CHN1: variants seen among roughly 807,000 people sequenced by gnomAD.
CHN1 encodes the protein chimerin 1.
CHN1 carries 37 observed loss-of-function variants against 59.5 expected under a neutral mutation model. The ratio of observed to expected loss-of-function variants is 0.62; its 90% CI spans 0.48 to 0.82. The LOEUF is 0.82. Among genes scored for constraint, CHN1 ranks in the 40% least tolerant of loss-of-function variants. CHN1 has a pLI of 0.00. For missense variants in CHN1, 469 were observed against 571.0 expected, an observed-to-expected ratio of 0.82 and a Z score of 1.82; for synonymous variants, 206 against 200.4, an observed-to-expected ratio of 1.03 and a Z score of -0.24.
At chr2:174,990,374 T>G (rs1691507047) in intron 1 of CHN1, among the ~76,000 whole-genome samples, 2 of 148,386 alleles carry the variant, frequency 1.3e-5, no homozygotes, top group Non-Finnish European at 3.0e-5. Flanking sequence ...GAGGAAGAAA[T>G]AAACACTAAA....
chr2:174,965,754 C>A (rs980929843), intron 1 of CHN1, among the ~76,000 whole-genome samples: 1 of 152,134 alleles, frequency 6.6e-6, no homozygotes. Flanking sequence ...CAAAAATGTA[C>A]GGCAATAATA....
intron 3 of CHN1, among the ~76,000 whole-genome samples, chr2:174,940,052 CAG>C (rs1161324587): frequency 6.6e-6 from 1 of 152,092 alleles, no homozygotes; most frequent in Non-Finnish European, 1.5e-5. Flanking sequence ...TATTTTTAGA[CAG>C]AGTCTTCCTC....
chr2:174,838,780 T>A (rs1415125468), intron 7 of CHN1, among the ~76,000 whole-genome samples: 1 of 151,984 alleles, frequency 6.6e-6, no homozygotes, highest in Non-Finnish European at 1.5e-5. Flanking sequence ...TTTGGGAGGC[T>A]GAGGTGGGCA....
At chr2:174,867,533 C>T (rs1402981570) in intron 6 of CHN1, among the ~76,000 whole-genome samples, 1 of 152,008 alleles carries the variant, frequency 6.6e-6, no homozygotes, top group African/African-American at 2.4e-5. Context: ...AAAAATGATG[C>T]AAATAATATT....
chr2:175,001,206 T>C (rs1264680664), intron 1 of CHN1, among the ~76,000 whole-genome samples: 2 of 152,198 alleles, frequency 1.3e-5, no homozygotes, highest in Non-Finnish European at 2.9e-5. Context: ...CTCACACCAC[T>C]GGGCCAGCCT....
intron 1 of CHN1, among the ~76,000 whole-genome samples, chr2:174,980,158 A>G (rs533843330): frequency 1.3e-5 from 2 of 152,324 alleles, no homozygotes; most frequent in East Asian, 1.9e-4. Context: ...TGAGAATAAG[A>G]GAGGCTATTA....
At chr2:174,851,382 T>C (rs982695726) in intron 6 of CHN1, among the ~76,000 whole-genome samples, 5 of 152,124 alleles carry the variant, frequency 3.3e-5, no homozygotes, top group African/African-American at 4.8e-5. Flanking sequence ...TGGGCTCCAT[T>C]GATCCTCCCA....
intron 4 of CHN1, among the ~76,000 whole-genome samples, chr2:174,918,244 CA>C (rs1688907211): frequency 6.6e-6 from 1 of 152,080 alleles, no homozygotes; most frequent in South Asian, 2.1e-4. Context: ...TATATGTACA[CA>C]AAAACACAAA....
chr2:174,839,254 G>A (rs2884685), intron 7 of CHN1, among the ~76,000 whole-genome samples: 45,202 of 151,872 alleles, frequency 0.3, 8,140 homozygotes, highest in South Asian at 0.45. Flanking sequence ...ACTGTAAGAG[G>A]TGACTTTTAA....
chr2:174,881,602 C>T (rs1687739629), intron 5 of CHN1, among the ~76,000 whole-genome samples: 2 of 152,102 alleles, frequency 1.3e-5, no homozygotes, highest in Admixed American at 6.5e-5. Flanking sequence ...CAGAGAATGA[C>T]AGAATGAGTT....
At chr2:174,972,804 T>G (rs1178693699) in intron 1 of CHN1, among the ~76,000 whole-genome samples, 1 of 151,848 alleles carries the variant, frequency 6.6e-6, no homozygotes, top group Non-Finnish European at 1.5e-5. Context: ...AAATTCTGAC[T>G]CAGCTATGCA....
At chr2:174,885,073 G>A (rs1181644079) in intron 5 of CHN1, among the ~76,000 whole-genome samples, 2 of 151,680 alleles carry the variant, frequency 1.3e-5, no homozygotes, top group Non-Finnish European at 2.9e-5. Flanking sequence ...GGATCACGAG[G>A]TCAGGAGATC....
At chr2:174,873,484 A>T (rs1164228751) in intron 6 of CHN1, among the ~76,000 whole-genome samples, 2 of 152,208 alleles carry the variant, frequency 1.3e-5, no homozygotes, top group Non-Finnish European at 2.9e-5. Context: ...TTCTACACTG[A>T]GATTACATGG....
At chr2:174,859,823 A>G (rs953025995) in intron 6 of CHN1, among the ~76,000 whole-genome samples, 1 of 152,152 alleles carries the variant, frequency 6.6e-6, no homozygotes, top group Non-Finnish European at 1.5e-5. Context: ...GCTGTCACAA[A>G]GACCCAGAAT....
intron 6 of CHN1, among the ~76,000 whole-genome samples, chr2:174,849,838 G>T (rs1686669207): frequency 6.6e-6 from 1 of 152,308 alleles, no homozygotes; most frequent in African/African-American, 2.4e-5. Flanking sequence ...CAGCTAGTAG[G>T]TGGGGGGGCT....
In CHN1 at chr2:174,877,945, G is replaced by A. The variant is rs201608554; in HGVS notation, c.444C>T (p.Tyr148=). The A allele has an allele frequency of 5.0e-6, 8 of 1,613,796 alleles. No homozygotes were observed. In the East Asian group the frequency reaches 1.3e-4, roughly 27 times the overall value. Residue 148 remains tyrosine, a synonymous_variant, in exon 6 of 13, where the codon TAC becomes TAT. Coordinates refer to ENST00000409900, the MANE Select transcript of CHN1 (RefSeq NM_001822.7). ...ATGCTGGCTCTCTGTTTAAGGTTGT[G>A]TATCCTACGTGCTCATAAATTGGGT... ...TINPIYEHVG[Y]TTLNREPAYK...
chr2:174,830,699 T>C (rs934307519), intron 7 of CHN1, among the ~76,000 whole-genome samples: 12 of 152,172 alleles, frequency 7.9e-5, no homozygotes, highest in Non-Finnish European at 1.6e-4. Flanking sequence ...GTACCTGGAA[T>C]AGAAAGGCAT....
chr2:174,875,110 G>T (rs1386971977), intron 6 of CHN1, among the ~76,000 whole-genome samples: 1 of 152,052 alleles, frequency 6.6e-6, no homozygotes, highest in Non-Finnish European at 1.5e-5. Context: ...CTGACCTCAG[G>T]TGATCCGCCC....
rs1553486149 is a variant in CHN1 at position 174,945,942 on chromosome 2, T to TAA, written c.59-1001_59-1000dup. ...GTGTGTGTGTGTGTGTATATATATA[T>TAA]AAATGTGTGTGTATATATATACTAT... On this transcript the variant is annotated intron_variant, in intron 2 of 12. Transcript: ENST00000409900. 3.6e-3 allele frequency among the ~76,000 whole-genome samples: 547 copies of TAA among 151,620 alleles called. 4 individuals are homozygous for TAA. Among genetic ancestry groups the TAA allele is most frequent in the African/African-American group, 0.013 (521 of 41,226 alleles).
Sources: allele counts gnomAD v4.1 joint callset (sites outside exome capture counted in the v4.1 genomes callset), GRCh38; gene constraint gnomAD v4.1.1; transcripts MANE v1.5; gene names NCBI Gene and HGNC (gene_info 2026-07-23, HGNC 2026-07-21).